Variants in EYA4 observed in about 807,000 individuals in gnomAD.
EYA4 encodes the protein EYA transcriptional coactivator and phosphatase 4.
EYA4 carries 31 observed loss-of-function variants against 87.9 expected under a neutral mutation model. The ratio of observed to expected loss-of-function variants is 0.35; its 90% CI spans 0.27 to 0.48. The LOEUF (loss-of-function observed/expected upper bound fraction) is 0.48, where lower values mean the gene tolerates loss of function less well. Ranked by LOEUF, EYA4 falls within the 20% of genes least tolerant of loss-of-function variation. The pLI is 0.99. For missense variants in EYA4, 678 were observed against 761.4 expected (o/e 0.89, Z 1.29); for synonymous variants, 263 against 270.6 (o/e 0.97, Z 0.28).
chr6:133,520,001 A>G (rs1416716273), intron 17 of EYA4, among the ~76,000 whole-genome samples: 1 of 152,106 alleles, frequency 6.6e-6, no homozygotes, highest in Non-Finnish European at 1.5e-5. Context: ...AATAAGAGCT[A>G]TCTATGACAA....
chr6:133,509,176 G>A (rs1032092689), intron 14 of EYA4, among the ~76,000 whole-genome samples: 23 of 152,024 alleles, frequency 1.5e-4, no homozygotes, highest in African/African-American at 5.1e-4. Flanking sequence ...CATACATAGC[G>A]CCCTATCCTT....
Position 133,531,280 on chromosome 6 carries a change from G to A in EYA4, c.*2475G>A. 1 of 1,366,452 alleles carries A rather than the reference G, an allele frequency of 7.3e-7. No homozygotes were observed. Among genetic ancestry groups the A allele is most frequent in the Non-Finnish European group, 1.0e-6 (1 of 993,876 alleles). 84.6% of individuals were successfully genotyped at this position (1,366,452 alleles called of 1,614,324 possible). On this transcript the variant is annotated 3_prime_UTR_variant, in exon 20 of 20. Transcript: ENST00000355286. ...GCTTGTCTGGCACAACAATGGTGCA[G>A]GCCCACGAGCCAGCATCACAGCTTG...
At chr6:133,370,479 CAATT>C (rs1472754185) in intron 2 of EYA4, among the ~76,000 whole-genome samples, 2 of 152,158 alleles carry the variant, frequency 1.3e-5, no homozygotes, top group African/African-American at 4.8e-5. Flanking sequence ...GCAAGCCAAT[CAATT>C]AGAGAAAATC....
chr6:133,394,301 T>TTTG (rs1562369306), intron 3 of EYA4, among the ~76,000 whole-genome samples: 2 of 144,648 alleles, frequency 1.4e-5, no homozygotes, highest in African/African-American at 5.2e-5. Context: ...TTTTTTTTTT[T>TTTG]TTTTTTTTTT....
At chr6:133,338,752 C>T (rs528828198) in intron 2 of EYA4, among the ~76,000 whole-genome samples, 7 of 152,218 alleles carry the variant, frequency 4.6e-5, no homozygotes, top group African/African-American at 1.7e-4. Flanking sequence ...ATGATGACTA[C>T]AGAAGAGGTA....
At position 133,318,321 on chromosome 6, in the gene EYA4, C is replaced by T. The variant is rs867448146; in HGVS notation, c.33+43508C>T. ...AGAGGAATTACCACAAGTGTAGAAT[C>T]GGAATTTTAAATCTGAAAAGGCTTG... On this transcript the variant is annotated intron_variant, in intron 2 of 19. Transcript: ENST00000355286. Among the ~76,000 whole-genome samples, 64 of 151,298 alleles carry T rather than the reference C, an allele frequency of 4.2e-4. 1 individual carries two copies. Among genetic ancestry groups the T allele is most frequent in the Middle Eastern group, 3.4e-3 (1 of 290 alleles).
rs536366508 is a variant in EYA4 at position 133,510,982 on chromosome 6, A to C, written c.1282-1739A>C. 8.5e-5 allele frequency among the ~76,000 whole-genome samples: 13 copies of C among 152,330 alleles called. No homozygotes were observed. In the South Asian group the frequency reaches 1.5e-3, roughly 17 times the overall value. ...GCCGCACTCCAGGGCACTTCCAGTCAGATTAAATTTGGGGACCCATACGTG... is the reference window on the plus strand; with the variant it reads ...GCCGCACTCCAGGGCACTTCCAGTCCGATTAAATTTGGGGACCCATACGTG... On this transcript the variant is annotated intron_variant, in intron 14 of 19. Transcript: ENST00000355286.
chr6:133,327,425 C>T (rs1464378236), intron 2 of EYA4, among the ~76,000 whole-genome samples: 1 of 152,104 alleles, frequency 6.6e-6, no homozygotes, highest in African/African-American at 2.4e-5. Flanking sequence ...AGCCACAGCA[C>T]CTGGTCTTTA....
chr6:133,480,794 A>G (rs1222209856), intron 11 of EYA4, among the ~76,000 whole-genome samples: 1 of 152,168 alleles, frequency 6.6e-6, no homozygotes, highest in Non-Finnish European at 1.5e-5. Flanking sequence ...TGTGGCTCAC[A>G]TGGTATTTCT....
At chr6:133,469,161 GT>G (rs1795113001) in intron 11 of EYA4, among the ~76,000 whole-genome samples, 1 of 152,030 alleles carries the variant, frequency 6.6e-6, no homozygotes, top group African/African-American at 2.4e-5. Flanking sequence ...GTGATAGGTA[GT>G]TTAATATCTT....
chr6:133,373,306 C>G (rs1022589320), intron 2 of EYA4, among the ~76,000 whole-genome samples: 4 of 151,910 alleles, frequency 2.6e-5, no homozygotes, highest in Non-Finnish European at 5.9e-5. Flanking sequence ...TTTTTCTTAA[C>G]CTTGTGGCCA....
chr6:133,510,526 CT>C, intron 14 of EYA4: 5 of 273,740 alleles, frequency 1.8e-5, no homozygotes, highest in South Asian at 8.1e-5. Context: ...TCTCTCCACT[CT>C]TTTCCTTAAA....
intron 2 of EYA4, among the ~76,000 whole-genome samples, chr6:133,294,127 A>G (rs1386361305): frequency 7.0e-6 from 1 of 143,388 alleles, no homozygotes; most frequent in Non-Finnish European, 1.5e-5. Context: ...AGATATTATG[A>G]TATTATGAGT....
At chr6:133,425,073 G>C (rs1790551216) in intron 3 of EYA4, among the ~76,000 whole-genome samples, 1 of 150,756 alleles carries the variant, frequency 6.6e-6, no homozygotes, top group African/African-American at 2.5e-5. Flanking sequence ...TATTCCTTTG[G>C]GTGGTGGTAC....
intron 3 of EYA4, among the ~76,000 whole-genome samples, chr6:133,443,427 T>TATA (rs2128615671): frequency 6.6e-6 from 1 of 152,086 alleles, no homozygotes; most frequent in East Asian, 1.9e-4. Context: ...TAATATAGTT[T>TATA]ATAATACTTC....
intron 2 of EYA4, among the ~76,000 whole-genome samples, chr6:133,286,839 A>G (rs1027132061): frequency 7.9e-5 from 12 of 152,214 alleles, no homozygotes; most frequent in South Asian, 2.1e-4. Context: ...GAAAGAATTA[A>G]TCTAATTAGA....
intron 1 of EYA4, among the ~76,000 whole-genome samples, chr6:133,242,853 A>G (rs1012379899): frequency 6.6e-6 from 1 of 152,054 alleles, no homozygotes; most frequent in Non-Finnish European, 1.5e-5. Flanking sequence ...CTATGAAGAC[A>G]ACGGATTTGC....
At chr6:133,380,826 G>T (rs1926092) in intron 2 of EYA4, among the ~76,000 whole-genome samples, 40,641 of 147,968 alleles carry the variant, frequency 0.27, 6,317 homozygotes, top group African/African-American at 0.42. Flanking sequence ...CTCCTCCTAC[G>T]CCTTATTCCT....
intron 7 of EYA4, among the ~76,000 whole-genome samples, chr6:133,461,461 C>A (rs1794376685): frequency 6.6e-6 from 1 of 152,102 alleles, no homozygotes; most frequent in African/African-American, 2.4e-5. Flanking sequence ...ATCTAAATGT[C>A]AACACTTCAT....
Sources: gnomAD v4.1 joint callset for allele counts (sites outside exome capture counted in the v4.1 genomes callset) on GRCh38, gnomAD v4.1.1 for gene constraint, MANE v1.5 for transcripts, NCBI Gene and HGNC (gene_info 2026-07-23, HGNC 2026-07-21) for gene names.